PUS1: variants seen among roughly 807,000 people sequenced by gnomAD.
PUS1 encodes the protein pseudouridylate synthase 1 homolog.
In PUS1, 25 loss-of-function variants were observed where a neutral mutation model predicts 38.5. That is an observed-to-expected ratio of 0.65 (90% confidence interval 0.47 to 0.91). PUS1 has a LOEUF of 0.91. PUS1 is among the 40% of genes least tolerant of loss of function. The pLI is 0.00. For missense variants in PUS1, 597 were observed against 612.3 expected (o/e 0.97, Z 0.26); for synonymous variants, 282 against 260.4 (o/e 1.08, Z -0.80).
Position 131,939,219 on chromosome 12 carries a change from T to C in PUS1, c.488T>C (p.Ile163Thr). 4.5e-6 allele frequency: 7 copies of C among 1,562,738 alleles called. No individual in the cohort carries two copies. Among genetic ancestry groups the C allele is most frequent in the Non-Finnish European group, 6.1e-6 (7 of 1,151,898 alleles). The change falls in exon 4 of 6, where the codon ATT becomes ACT. Residue 163 changes from isoleucine (I) to threonine (T), a missense_variant. Physicochemically the swap from Ile to Thr is moderately conservative, Grantham distance 89. Transcript: ENST00000376649. Reference sequence around the variant, plus strand: ...GTGGTATCCCTGAAGGTGTGGCTGATTGACGACATTCTAGAAAAGATCAAC... The same window carrying C: ...GTGGTATCCCTGAAGGTGTGGCTGACTGACGACATTCTAGAAAAGATCAAC... ...GQVVSLKVWL[I>T]DDILEKINSH...
intron 3 of PUS1, among the ~76,000 whole-genome samples, chr12:131,938,147 G>A (rs1333556865): frequency 6.6e-6 from 1 of 151,888 alleles, no homozygotes; most frequent in Admixed American, 6.6e-5. Flanking sequence ...TCCTTTAATC[G>A]AAAACGATCT....
chr12:131,937,020 T>C (rs988398854), intron 3 of PUS1, among the ~76,000 whole-genome samples: 6 of 152,232 alleles, frequency 3.9e-5, no homozygotes, highest in Admixed American at 2.0e-4. Context: ...CTTCAGCTTC[T>C]ACAGAGTGGT....
At chr12:131,930,403 G>A (rs995277417) in intron 2 of PUS1, among the ~76,000 whole-genome samples, 2 of 152,236 alleles carry the variant, frequency 1.3e-5, no homozygotes, top group Non-Finnish European at 2.9e-5. Context: ...TCATCTTTAG[G>A]ATGGGAGTGC....
At chr12:131,932,011 G>A (rs553475871) in intron 2 of PUS1, 164 bp from the exon 3 acceptor site, 92 of 717,072 alleles carry the variant, frequency 1.3e-4, no homozygotes, top group African/African-American at 1.1e-3. Context: ...GGGTGAGTGA[G>A]CAGAAAACAG....
At chr12:131,943,516 C>G (rs1891179262) in intron 5 of PUS1, 23 bp from the exon 6 acceptor site, 1 of 1,608,526 alleles carries the variant, frequency 6.2e-7, no homozygotes. Flanking sequence ...GCCTCTTATT[C>G]TCCATGTGGT....
chr12:131,938,665 C>A (rs1033460931), intron 3 of PUS1, among the ~76,000 whole-genome samples: 7 of 150,874 alleles, frequency 4.6e-5, no homozygotes, highest in Middle Eastern at 3.4e-3. Flanking sequence ...GCTCTTGGTT[C>A]TAAGTTGTGT....
At chr12:131,942,110 G>A in intron 5 of PUS1, 127 bp downstream of exon 5, 2 of 890,646 alleles carry the variant, frequency 2.2e-6, no homozygotes, top group South Asian at 1.5e-5. Context: ...TGCTGCAGGA[G>A]CAGGGGCAGG....
chr12:131,930,173 TAG>T, intron 2 of PUS1, 38 bp downstream of exon 2: 1 of 1,359,924 alleles, frequency 7.4e-7, no homozygotes. Context: ...CCGCGGGGTT[TAG>T]GTGCAGGTGC....
intron 3 of PUS1, 189 bp downstream of exon 3, chr12:131,932,501 C>A: frequency 1.6e-6 from 1 of 643,338 alleles, no homozygotes; most frequent in Non-Finnish European, 2.8e-6. Context: ...GATCTAGATG[C>A]TCCCTGCCAG....
intron 3 of PUS1, chr12:131,934,568 T>C (rs1175721171): frequency 6.6e-6 from 1 of 152,246 alleles, no homozygotes; most frequent in African/African-American, 2.4e-5. Flanking sequence ...ATAATATTGG[T>C]ATATAATTAT....
intron 4 of PUS1, among the ~76,000 whole-genome samples, chr12:131,939,587 C>G (rs991756380): frequency 6.6e-6 from 1 of 152,198 alleles, no homozygotes. Flanking sequence ...TTTAGGCCTC[C>G]TTAAAATGTG....
chr12:131,932,380 G>T lies in PUS1; in HGVS notation c.441+68G>T, dbSNP rs545921627. The T allele has an allele frequency of 1.9e-4, 289 of 1,562,054 alleles. 3 individuals carry two copies. The South Asian group carries it at 3.0e-3, about 16-fold the overall frequency. The stretch of plus-strand genomic sequence containing the variant: ...AGCACGTGGCCCACTTTCCAGCTCA[G>T]TGTTCTGGCTTGTTATGCTGTTTCT... On this transcript the variant is annotated intron_variant, in intron 3 of 5. Transcript: ENST00000376649.
rs1438143230 is a variant in PUS1 at position 131,941,070 on chromosome 12, A to T, written c.545-222A>T. ...AATTACAATAAATGGTTGTAAATTC[A>T]GTCACCTTATAGAGCACTGCACCTG... On this transcript the variant is annotated intron_variant, in intron 4 of 5. Coordinates refer to ENST00000376649, the MANE Select transcript of PUS1 (RefSeq NM_025215.6). This position sits in a 1 kb window ranked among gnomAD's most constrained non-coding sequence, Gnocchi z 4.4. 2 of 572,380 alleles carry T rather than the reference A, an allele frequency of 3.5e-6. No homozygotes were observed. Among genetic ancestry groups the T allele is most frequent in the Admixed American group, 3.0e-5 (1 of 33,308 alleles). The allele number at this position is 572,380 out of a possible 1,614,324, so 35.5% of individuals were successfully genotyped here. A position where few individuals can be genotyped will look rare whatever the true frequency, so the allele number is the denominator to read the frequency against.
At chr12:131,943,454 C>G in intron 5 of PUS1, 85 bp from the exon 6 acceptor site, 1 of 1,145,640 alleles carries the variant, frequency 8.7e-7, no homozygotes, top group Non-Finnish European at 1.3e-6. Context: ...GCTCCTGTGC[C>G]AAGCCTGTCA....
chr12:131,930,343 G>T (rs1890545617), intron 2 of PUS1, among the ~76,000 whole-genome samples: 1 of 152,230 alleles, frequency 6.6e-6, no homozygotes, highest in African/African-American at 2.4e-5. Context: ...CGGCCCTGCC[G>T]CTAACCGCTG....
intron 3 of PUS1, among the ~76,000 whole-genome samples, chr12:131,936,338 G>A (rs748689057): frequency 1.3e-5 from 2 of 151,910 alleles, no homozygotes; most frequent in Non-Finnish European, 2.9e-5. Flanking sequence ...CGAGGTGGGC[G>A]GATCACCTGA....
intron 3 of PUS1, chr12:131,934,883 G>A (rs920810029): frequency 6.6e-6 from 1 of 152,266 alleles, no homozygotes; most frequent in Non-Finnish European, 1.5e-5. Context: ...TGCCGGTCAG[G>A]ATCCTCCGGG....
chr12:131,939,072 G>C, intron 3 of PUS1, 101 bp from the exon 4 acceptor site: 1 of 788,348 alleles, frequency 1.3e-6, no homozygotes, highest in Non-Finnish European at 2.2e-6. Context: ...CTGAATTCAT[G>C]TGTGAAATGA....
At position 131,945,087 on chromosome 12, in the gene PUS1, G is replaced by A; in HGVS notation, c.*1501G>A. The A allele has an allele frequency of 6.6e-6, 1 of 152,312 alleles. No homozygotes were observed. The highest frequency in any genetic ancestry group is 1.9e-4 in the East Asian group (1 of 5,200). The allele number at this position is 152,312 out of a possible 1,614,324, so 9.4% of individuals were successfully genotyped here. On this transcript the variant is annotated 3_prime_UTR_variant, in exon 6 of 6. Coordinates refer to ENST00000376649, the MANE Select transcript of PUS1 (RefSeq NM_025215.6). ...TGCCCCAGCGGTGCACACAACTAATGCGCATGCGCCTGACGTGCCAACAAT... is the reference window on the plus strand; with the variant it reads ...TGCCCCAGCGGTGCACACAACTAATACGCATGCGCCTGACGTGCCAACAAT...
Sources: allele counts gnomAD v4.1 joint callset (sites outside exome capture counted in the v4.1 genomes callset), GRCh38; gene constraint gnomAD v4.1.1; non-coding constraint Gnocchi (gnomAD v3.1); transcripts MANE v1.5; gene names NCBI Gene and HGNC (gene_info 2026-07-23, HGNC 2026-07-21).